Variants in PAICS observed in about 807,000 individuals in gnomAD.
PAICS encodes the protein phosphoribosylaminoimidazole carboxylase and phosphoribosylaminoimidazolesuccinocarboxamide synthase, also known as bifunctional phosphoribosylaminoimidazole carboxylase/phosphoribosylaminoimidazole succinocarboxamide synthetase.
PAICS carries 33 observed loss-of-function variants against 53.7 expected under a neutral mutation model. The observed-to-expected ratio is 0.61, with a 90% CI of 0.47 to 0.82. The LOEUF is 0.82. Ranked by LOEUF, PAICS falls within the 40% of genes least tolerant of loss-of-function variation. The probability of loss-of-function intolerance (pLI) is 0.00; values close to 1 mark genes in which losing one functional copy is unlikely to be tolerated. For missense variants in PAICS, 394 were observed against 494.1 expected (o/e 0.80, Z 1.92); for synonymous variants, 141 against 167.2 (o/e 0.84, Z 1.21).
chr4:56,435,916 C>A, upstream of PAICS: 1 of 1,492,456 alleles, frequency 6.7e-7, no homozygotes. Flanking sequence ...TTCCCCCAGG[C>A]CGTCAAGACT....
intron 8 of PAICS, among the ~76,000 whole-genome samples, chr4:56,455,835 C>G (rs1719164379): frequency 6.6e-6 from 1 of 152,056 alleles, no homozygotes; most frequent in East Asian, 1.9e-4. Context: ...TTTCATTGTT[C>G]TTAAATTTTA....
rs1343338685 is a variant in PAICS at position 56,461,088 on chromosome 4, A to G, written c.*1550A>G. 1 of 150,902 alleles carries G rather than the reference A, an allele frequency of 6.6e-6. No individual in the cohort carries two copies. Among genetic ancestry groups the G allele is most frequent in the Non-Finnish European group, 1.5e-5 (1 of 68,032 alleles). The allele number at this position is 150,902 out of a possible 1,614,324, so 9.3% of individuals were successfully genotyped here. A position where few individuals can be genotyped will look rare whatever the true frequency, so the allele number is the denominator to read the frequency against. On this transcript the variant is annotated 3_prime_UTR_variant, in exon 9 of 9. Coordinates refer to ENST00000512576, the MANE Select transcript of PAICS (RefSeq NM_001079524.2). ...TCTGAAGGCCCACGTTTTTATCATTAAGACCTATTTGTTAGCTAGTAGAGC... is the reference window on the plus strand; with the variant it reads ...TCTGAAGGCCCACGTTTTTATCATTGAGACCTATTTGTTAGCTAGTAGAGC...
chr4:56,425,118 G>A, the PAICS span, among the ~76,000 whole-genome samples: 1 of 152,262 alleles, frequency 6.6e-6, no homozygotes, highest in African/African-American at 2.4e-5. Context: ...GAGATGGCCA[G>A]CAGGGGGCAT....
At chr4:56,435,998 G>T (rs1717911304), upstream of PAICS, 1 of 1,526,604 alleles carries the variant, frequency 6.6e-7, no homozygotes, top group Non-Finnish European at 8.8e-7. Context: ...CCGCAGAGTG[G>T]GGAGGGGCCG....
intron 7 of PAICS, among the ~76,000 whole-genome samples, chr4:56,453,183 G>A (rs929655732): frequency 1.2e-4 from 18 of 152,134 alleles, no homozygotes; most frequent in Admixed American, 1.3e-4. Context: ...TTGAAGACGT[G>A]TCCCTAAACC....
rs530013779 is a variant in PAICS at position 56,462,813 on chromosome 4, C to A, written c.*3275C>A. 2.0e-5 allele frequency: 3 copies of A among 151,898 alleles called. No homozygotes were observed. Among genetic ancestry groups the A allele is most frequent in the Non-Finnish European group, 2.9e-5 (2 of 67,990 alleles). The allele number at this position is 151,898 out of a possible 1,614,324, so 9.4% of individuals were successfully genotyped here. On this transcript the variant is annotated 3_prime_UTR_variant, in exon 9 of 9. Transcript: ENST00000512576. ...ATCAGGAGTTCGAGACCAGCCTGACCAACATGGAGAAACCCAGTCTCTAAT... is the reference window on the plus strand; with the variant it reads ...ATCAGGAGTTCGAGACCAGCCTGACAAACATGGAGAAACCCAGTCTCTAAT...
In PAICS at chr4:56,462,748, C is replaced by A. The variant is rs933095920; in HGVS notation, c.*3210C>A. On this transcript the variant is annotated 3_prime_UTR_variant, in exon 9 of 9. Coordinates refer to ENST00000512576, the MANE Select transcript of PAICS (RefSeq NM_001079524.2). The stretch of plus-strand genomic sequence containing the variant: ...GGGCATGGTAGCTCATGCCTGTAAT[C>A]CCAGCACTTTGGGTGGCCGAGGCAG... The A allele has an allele frequency of 2.0e-5, 3 of 152,166 alleles. No homozygotes were observed. Among genetic ancestry groups the A allele is most frequent in the African/African-American group, 7.2e-5 (3 of 41,422 alleles). The allele number at this position is 152,166 out of a possible 1,614,324, so 9.4% of individuals were successfully genotyped here. A position where few individuals can be genotyped will look rare whatever the true frequency, so the allele number is the denominator to read the frequency against.
In PAICS at chr4:56,460,771, G is replaced by A. The variant is rs764903330; in HGVS notation, c.*1233G>A. ...AGATCACTTGAGGTCAGGAGTTTGAGACCAGCCTGGCCAACATGGTGAAAC... is the reference window on the plus strand; with the variant it reads ...AGATCACTTGAGGTCAGGAGTTTGAAACCAGCCTGGCCAACATGGTGAAAC... On this transcript the variant is annotated 3_prime_UTR_variant, in exon 9 of 9. Coordinates refer to ENST00000512576, the MANE Select transcript of PAICS (RefSeq NM_001079524.2). 3 of 152,266 alleles carry A rather than the reference G, an allele frequency of 2.0e-5. No individual in the cohort carries two copies. Among genetic ancestry groups the A allele is most frequent in the Non-Finnish European group, 4.4e-5 (3 of 68,132 alleles). 9.4% of individuals were successfully genotyped at this position (152,266 alleles called of 1,614,324 possible).
At chr4:56,448,007 C>CTTTTTTTT (rs35788109) in intron 3 of PAICS, among the ~76,000 whole-genome samples, 7 of 122,020 alleles carry the variant, frequency 5.7e-5, no homozygotes, top group East Asian at 4.9e-4. Context: ...AATTTCTTTT[C>CTTTTTTTT]TTTTTTTTTT....
the PAICS span, among the ~76,000 whole-genome samples, chr4:56,414,936 C>T: frequency 6.6e-6 from 1 of 152,134 alleles, no homozygotes; most frequent in Admixed American, 6.5e-5. Context: ...ACAATTTTTA[C>T]CTTGAGAGTT....
At chr4:56,435,090 C>G (rs545488407), upstream of PAICS, among the ~76,000 whole-genome samples, 6 of 152,274 alleles carry the variant, frequency 3.9e-5, no homozygotes, top group Non-Finnish European at 5.9e-5. Flanking sequence ...GATGGGTGCA[C>G]ACACCGGGGG....
Position 56,459,674 on chromosome 4 carries a change from A to C in PAICS, c.*136A>C. The C allele has an allele frequency of 1.6e-6, 1 of 632,332 alleles. No homozygotes were observed. The highest frequency in any genetic ancestry group is 2.7e-6 in the Non-Finnish European group (1 of 371,372). The allele number at this position is 632,332 out of a possible 1,614,324, so 39.2% of individuals were successfully genotyped here. A position where few individuals can be genotyped will look rare whatever the true frequency, so the allele number is the denominator to read the frequency against. On this transcript the variant is annotated 3_prime_UTR_variant, in exon 9 of 9. Coordinates refer to ENST00000512576, the MANE Select transcript of PAICS (RefSeq NM_001079524.2). ...TGTATTAGTGAATAAATGCTTCTCT[A>C]GATCCATATTAATAAACATGAGCAT...
chr4:56,458,451 C>T (rs1292297442), intron 8 of PAICS, among the ~76,000 whole-genome samples: 1 of 152,130 alleles, frequency 6.6e-6, no homozygotes, highest in Non-Finnish European at 1.5e-5. Context: ...GCTCTAAGCA[C>T]TTTATCTATG....
the PAICS span, among the ~76,000 whole-genome samples, chr4:56,425,856 T>C: frequency 3.9e-5 from 6 of 152,164 alleles, no homozygotes; most frequent in Non-Finnish European, 4.4e-5. Context: ...AGAGGAAGAT[T>C]TGGAAGCTCC....
chr4:56,412,718 T>C, the PAICS span, among the ~76,000 whole-genome samples: 1 of 152,206 alleles, frequency 6.6e-6, no homozygotes, highest in Non-Finnish European at 1.5e-5. Context: ...TCTGCTGACA[T>C]ACTGCATAAA....
chr4:56,453,782 A>T (rs1471004208), intron 8 of PAICS, 21 bp downstream of exon 8: 2 of 1,512,538 alleles, frequency 1.3e-6, no homozygotes, highest in South Asian at 2.4e-5. Flanking sequence ...TTGAATTTTT[A>T]AAAACTGTTC....
At chr4:56,431,482 A>G, upstream of PAICS, 1 of 977,638 alleles carries the variant, frequency 1.0e-6, no homozygotes, top group Non-Finnish European at 1.2e-6. Flanking sequence ...AGTTTCCTCA[A>G]AGCGTAATAA....
the PAICS span, among the ~76,000 whole-genome samples, chr4:56,423,950 T>G: frequency 1.3e-5 from 2 of 152,216 alleles, no homozygotes; most frequent in Admixed American, 6.5e-5. Context: ...TATTGAGGTA[T>G]AAAAATATGA....
chr4:56,435,825 A>G (rs1258203276), upstream of PAICS: 2 of 1,504,686 alleles, frequency 1.3e-6, no homozygotes, highest in African/African-American at 2.7e-5. Context: ...CCAGCACCCA[A>G]CAGTAGCGTA....
Sources: gnomAD v4.1 joint callset for allele counts (sites outside exome capture counted in the v4.1 genomes callset) on GRCh38, gnomAD v4.1.1 for gene constraint, MANE v1.5 for transcripts, NCBI Gene and HGNC (gene_info 2026-07-23, HGNC 2026-07-21) for gene names.